The following KHDRBS2 variants were observed in gnomAD, a reference collection of about 807,000 sequenced individuals.
KHDRBS2 encodes the protein KH RNA binding domain containing, signal transduction associated 2.
In KHDRBS2, 26 loss-of-function variants were observed where a neutral mutation model predicts 44.3. That is an observed-to-expected ratio of 0.59 (90% CI 0.43 to 0.81). The LOEUF is 0.81. Among genes scored for constraint, KHDRBS2 ranks in the 40% least tolerant of loss-of-function variants. The pLI, the probability that KHDRBS2 is intolerant of heterozygous loss-of-function variation, is 0.00. For missense variants in KHDRBS2, 476 were observed against 433.1 expected (o/e 1.10, Z -0.88); for synonymous variants, 194 against 151.1 (o/e 1.28, Z -2.08).
intron 7 of KHDRBS2, among the ~76,000 whole-genome samples, chr6:61,717,099 T>G (rs1326498885): frequency 2.0e-5 from 3 of 152,006 alleles, no homozygotes; most frequent in Non-Finnish European, 4.4e-5. Flanking sequence ...GAGAAAATGG[T>G]TTTTCTAACT....
the KHDRBS2 span, among the ~76,000 whole-genome samples, chr6:61,637,631 C>G: frequency 0.59 from 89,706 of 151,748 alleles, 26,739 homozygotes; most frequent in African/African-American, 0.61. Flanking sequence ...AATGGTTGAA[C>G]TAGTTTACAG....
chr6:61,959,800 A>C (rs1157033967), intron 4 of KHDRBS2, among the ~76,000 whole-genome samples: 1 of 152,168 alleles, frequency 6.6e-6, no homozygotes. Context: ...GAAAATTTCT[A>C]ATAACAAAGT....
chr6:62,157,911 T>C (rs1393824900), intron 2 of KHDRBS2, among the ~76,000 whole-genome samples: 1 of 152,236 alleles, frequency 6.6e-6, no homozygotes, highest in Non-Finnish European at 1.5e-5. Flanking sequence ...TTCAAATGTC[T>C]ATGTGAGTTT....
downstream of KHDRBS2, among the ~76,000 whole-genome samples, chr6:61,678,172 G>T (rs1766051368): frequency 6.6e-6 from 1 of 151,760 alleles, no homozygotes; most frequent in South Asian, 2.1e-4. Flanking sequence ...TAAAACTTGG[G>T]GTTTAAAACC....
At position 62,161,575 on chromosome 6, in the gene KHDRBS2, G is replaced by GC. The variant is rs888142577; in HGVS notation, c.219+15609_219+15610insG. On this transcript the variant is annotated intron_variant, in intron 2 of 8. Coordinates refer to ENST00000281156, the MANE Select transcript of KHDRBS2 (RefSeq NM_152688.4). ...GCATCCGAGAATTTTGGTATTTGCG[G>GC]GGGGGGGGGGGGTCCCAGAACAAAT... Among the ~76,000 whole-genome samples, 14 of 35,658 alleles carry GC rather than the reference G, an allele frequency of 3.9e-4. 2 individuals are homozygous for GC. The highest frequency in any genetic ancestry group is 1.6e-3 in the Admixed American group (6 of 3,782). The allele number at this position is 35,658 out of a possible 152,430, so 23.4% of individuals were successfully genotyped here. A position where few individuals can be genotyped will look rare whatever the true frequency, so the allele number is the denominator to read the frequency against.
At chr6:61,623,819 T>G in the KHDRBS2 span, among the ~76,000 whole-genome samples, 1 of 152,144 alleles carries the variant, frequency 6.6e-6, no homozygotes, top group South Asian at 2.1e-4. Flanking sequence ...ATAGGTCAGT[T>G]TGATATGTGG....
chr6:61,901,429 GAAAAAA>G (rs202202725), intron 4 of KHDRBS2, 58 bp from the exon 5 acceptor site: 1 of 987,852 alleles, frequency 1.0e-6, no homozygotes, highest in Non-Finnish European at 1.4e-6. Flanking sequence ...CTCAGAGTTG[GAAAAAA>G]AAAAAAAGAA....
rs70993190 is a variant in KHDRBS2 at position 61,954,354 on chromosome 6, T to TATGCATACATATATACGTATGTATGC, written c.483+23686_483+23711dup. On this transcript the variant is annotated intron_variant, in intron 4 of 8. Transcript: ENST00000281156. ...ATATGTATAGATAGATATACATATG[T>TATGCATACATATATACGTATGTATGC]ATGCATACATATATACGTATGTATG... Among the ~76,000 whole-genome samples, 198 of 86,258 alleles carry TATGCATACATATATACGTATGTATGC rather than the reference T, an allele frequency of 2.3e-3. 2 individuals are homozygous for TATGCATACATATATACGTATGTATGC. Among genetic ancestry groups the TATGCATACATATATACGTATGTATGC allele is most frequent in the East Asian group, 3.3e-3 (9 of 2,688 alleles). The allele number at this position is 86,258 out of a possible 152,430, so 56.6% of individuals were successfully genotyped here. A position where few individuals can be genotyped will look rare whatever the true frequency, so the allele number is the denominator to read the frequency against.
chr6:61,582,466 C>T, the KHDRBS2 span, among the ~76,000 whole-genome samples: 1 of 151,568 alleles, frequency 6.6e-6, no homozygotes, highest in Non-Finnish European at 1.5e-5. Context: ...AAGCAGATGA[C>T]TAAAATAGTG....
chr6:61,761,214 G>A (rs1376151151), intron 6 of KHDRBS2, among the ~76,000 whole-genome samples: 1 of 152,194 alleles, frequency 6.6e-6, no homozygotes, highest in Non-Finnish European at 1.5e-5. Flanking sequence ...TCAGGATGCA[G>A]ATCAAGGAAA....
At chr6:62,060,437 G>C (rs957477058) in intron 2 of KHDRBS2, among the ~76,000 whole-genome samples, 2 of 151,704 alleles carry the variant, frequency 1.3e-5, no homozygotes, top group Non-Finnish European at 2.9e-5. Flanking sequence ...TGACAGCAAA[G>C]GCTATAGATG....
intron 6 of KHDRBS2, among the ~76,000 whole-genome samples, chr6:61,875,318 C>T (rs777104544): frequency 8.6e-5 from 13 of 151,940 alleles, no homozygotes; most frequent in African/African-American, 1.5e-4. Context: ...CGAAGCCAGG[C>T]TTATAGAGTC....
At chr6:61,711,454 A>G (rs1032866745) in intron 7 of KHDRBS2, among the ~76,000 whole-genome samples, 1 of 151,756 alleles carries the variant, frequency 6.6e-6, no homozygotes, top group African/African-American at 2.4e-5. Flanking sequence ...ATAAATGTGC[A>G]TTTCTAGGTT....
At chr6:61,673,423 G>T in the KHDRBS2 span, among the ~76,000 whole-genome samples, 2 of 151,566 alleles carry the variant, frequency 1.3e-5, no homozygotes, top group Admixed American at 6.6e-5. Flanking sequence ...GTTCTGGCCA[G>T]GGCAATTAGG....
chr6:61,957,605 A>G (rs1454043036), intron 4 of KHDRBS2, among the ~76,000 whole-genome samples: 2 of 152,124 alleles, frequency 1.3e-5, no homozygotes, highest in Non-Finnish European at 2.9e-5. Flanking sequence ...ATTCCTGCCT[A>G]ATAATTTTTG....
At chr6:61,870,219 T>C (rs1583260069) in intron 6 of KHDRBS2, among the ~76,000 whole-genome samples, 1 of 151,668 alleles carries the variant, frequency 6.6e-6, no homozygotes, top group African/African-American at 2.4e-5. Flanking sequence ...GGGTGGGCAT[T>C]TGCCATTGCT....
the KHDRBS2 span, among the ~76,000 whole-genome samples, chr6:61,585,187 C>T: frequency 6.6e-6 from 1 of 151,712 alleles, no homozygotes. Context: ...GACCATCTTT[C>T]ATTCAGTGCA....
chr6:61,638,424 T>C, the KHDRBS2 span, among the ~76,000 whole-genome samples: 2 of 152,214 alleles, frequency 1.3e-5, no homozygotes, highest in South Asian at 2.1e-4. Flanking sequence ...CCCTATTTAA[T>C]AAATGGTGCT....
Position 62,284,181 on chromosome 6 carries a change from T to G in KHDRBS2, c.91+1677A>C, listed in dbSNP as rs1482154014. On this transcript the variant is annotated intron_variant, in intron 1 of 8. Coordinates refer to ENST00000281156, the MANE Select transcript of KHDRBS2 (RefSeq NM_152688.4). ...TATGCACTCTGTTAAGAGTTTCTTGTATGCATTTATTTAGCTTGGCCGTCT... is the reference window on the plus strand; with the variant it reads ...TATGCACTCTGTTAAGAGTTTCTTGGATGCATTTATTTAGCTTGGCCGTCT... 2.6e-5 allele frequency among the ~76,000 whole-genome samples: 4 copies of G among 152,278 alleles called. No individual in the cohort carries two copies. The East Asian group carries it at 7.7e-4, about 29-fold the overall frequency.
Sources: gnomAD v4.1 joint callset for allele counts (sites outside exome capture counted in the v4.1 genomes callset) on GRCh38, gnomAD v4.1.1 for gene constraint, MANE v1.5 for transcripts, NCBI Gene and HGNC (gene_info 2026-07-23, HGNC 2026-07-21) for gene names.